PTPRU: variants seen among roughly 807,000 people sequenced by gnomAD.
PTPRU encodes the protein protein tyrosine phosphatase receptor type U.
PTPRU carries 69 observed loss-of-function variants against 166.3 expected under a neutral mutation model. That is an observed-to-expected ratio of 0.41 (90% CI 0.34 to 0.51). The LOEUF (loss-of-function observed/expected upper bound fraction) is 0.51. Among genes scored for constraint, PTPRU ranks in the 20% least tolerant of loss-of-function variants. The probability of loss-of-function intolerance (pLI) is 0.09; values close to 1 mark genes in which losing one functional copy is unlikely to be tolerated. For missense variants in PTPRU, 1,657 were observed against 2,013.7 expected (o/e 0.82, Z 3.39); for synonymous variants, 793 against 814.0 (o/e 0.97, Z 0.44).
At position 29,260,695 on chromosome 1, in the gene PTPRU, T is replaced by C; in HGVS notation, c.936T>C (p.Ile312=). ...TCCAGCTCAACACCAACTCCATCAT[T>C]GGCGACGGGCCGATCGTGCGCAAGG... The part of the protein sequence containing the change: ...LIIQLNTNSI[I]GDGPIVRKEI... Residue 312 remains isoleucine, a synonymous_variant, in exon 7 of 30, where the codon ATT becomes ATC. Coordinates refer to ENST00000373779, the MANE Select transcript of PTPRU (RefSeq NM_133178.4). The surrounding 1 kb of genome is among the most constrained non-coding windows in gnomAD (Gnocchi z 8.3). 1.3e-6 allele frequency: 2 copies of C among 1,584,674 alleles called. No homozygotes were observed. Among genetic ancestry groups the C allele is most frequent in the Non-Finnish European group, 1.7e-6 (2 of 1,163,616 alleles).
chr1:29,269,246 A>ATATTTT (rs1266094646), intron 7 of PTPRU, among the ~76,000 whole-genome samples: 3 of 20,584 alleles, frequency 1.5e-4, no homozygotes, highest in East Asian at 9.6e-4. Flanking sequence ...ATATATATAT[A>ATATTTT]TTTTTTTTTT....
At chr1:29,255,688 C>T (rs1257553707) in intron 2 of PTPRU, among the ~76,000 whole-genome samples, 1 of 152,198 alleles carries the variant, frequency 6.6e-6, no homozygotes, top group Non-Finnish European at 1.5e-5. Flanking sequence ...CCAAACCACT[C>T]CCACTCTCAG....
intron 1 of PTPRU, among the ~76,000 whole-genome samples, chr1:29,250,316 C>T (rs1684494316): frequency 6.6e-6 from 1 of 152,108 alleles, no homozygotes; most frequent in Admixed American, 6.5e-5. Context: ...GGGAAAAATC[C>T]CCTGTGAATG....
At chr1:29,286,246 G>A (rs1011801585) in intron 14 of PTPRU, among the ~76,000 whole-genome samples, 1 of 152,160 alleles carries the variant, frequency 6.6e-6, no homozygotes, top group South Asian at 2.1e-4. Flanking sequence ...AGCTTTAAGA[G>A]AGACTATTTT....
Position 29,323,479 on chromosome 1 carries a change from G to A in PTPRU, c.3937G>A (p.Val1313Met), listed in dbSNP as rs761314990. ...DEDLVARVFR[V>M]QNISRLQEGH... ...AGACTTAGTGGCTCGAGTCTTCCGG[G>A]TGCAGAACATCTCTCGGGTGAGTGG... The change falls in exon 27 of 30, where the codon GTG becomes ATG. Residue 1313 changes from valine (V) to methionine (M), a missense_variant. Physicochemically the swap from Val to Met is conservative, Grantham distance 21 (BLOSUM62 1). Coordinates refer to ENST00000373779, the MANE Select transcript of PTPRU (RefSeq NM_133178.4). 6.2e-7 allele frequency: 1 copy of A among 1,607,904 alleles called. No individual in the cohort carries two copies.
intron 2 of PTPRU, among the ~76,000 whole-genome samples, chr1:29,256,233 C>T (rs1396334930): frequency 6.6e-6 from 1 of 152,068 alleles, no homozygotes; most frequent in Non-Finnish European, 1.5e-5. Context: ...CTTTGGGGGC[C>T]CTGATTACTA....
chr1:29,290,756 T>G (rs1032726324), intron 14 of PTPRU, among the ~76,000 whole-genome samples: 2 of 152,268 alleles, frequency 1.3e-5, no homozygotes, highest in East Asian at 1.9e-4. Flanking sequence ...CAAAACCAGA[T>G]GCAGAACTTC....
At position 29,317,434 on chromosome 1, in the gene PTPRU, C is replaced by T. The variant is rs1687947747; in HGVS notation, c.3514-314C>T. Among the ~76,000 whole-genome samples the T allele has an allele frequency of 6.6e-6, 1 of 152,142 alleles. No homozygotes were observed. The highest frequency in any genetic ancestry group is 1.5e-5 in the Non-Finnish European group (1 of 68,024). On this transcript the variant is annotated intron_variant, in intron 24 of 29. Transcript: ENST00000373779. This position sits in a 1 kb window ranked among gnomAD's most constrained non-coding sequence, Gnocchi z 5.6. ...TTGTCATGATCTCACTTTGGCCTCC[C>T]AGCAGCCCCATGAAGTAGGCATATT...
chr1:29,261,093 T>C (rs1262644493), intron 7 of PTPRU, among the ~76,000 whole-genome samples, 190 bp downstream of exon 7: 2 of 152,252 alleles, frequency 1.3e-5, no homozygotes, highest in Non-Finnish European at 2.9e-5. Context: ...AACATATCTG[T>C]GTGTAGACAC....
intron 18 of PTPRU, 91 bp downstream of exon 18, chr1:29,305,519 G>C (rs1687351380): frequency 1.5e-6 from 2 of 1,338,982 alleles, no homozygotes; most frequent in Middle Eastern, 1.8e-4. Context: ...CGGGATAAAT[G>C]GGGGTTCAAA....
intron 15 of PTPRU, among the ~76,000 whole-genome samples, chr1:29,299,602 A>G (rs1023616171): frequency 1.3e-5 from 2 of 152,126 alleles, no homozygotes; most frequent in Admixed American, 1.3e-4. Flanking sequence ...GTCCTCAGCC[A>G]CTGTGCACTG....
Position 29,257,482 on chromosome 1 carries a change from G to T in PTPRU, c.206-1023G>T, listed in dbSNP as rs1313830904. Among the ~76,000 whole-genome samples the T allele has an allele frequency of 1.3e-5, 2 of 152,136 alleles. No homozygotes were observed. Among genetic ancestry groups the T allele is most frequent in the African/African-American group, 2.4e-5 (1 of 41,420 alleles). On this transcript the variant is annotated intron_variant, in intron 2 of 29. Transcript: ENST00000373779. The surrounding 1 kb of genome is among the most constrained non-coding windows in gnomAD (Gnocchi z 4.6). Reference sequence around the variant, plus strand: ...GGAGGAGGCAGCGCTGGGTGGTTTCGGGTGCCCTTTGGGAAGCCCAAATCC... The same window carrying T: ...GGAGGAGGCAGCGCTGGGTGGTTTCTGGTGCCCTTTGGGAAGCCCAAATCC...
chr1:29,266,554 A>T (rs983802024), intron 7 of PTPRU, among the ~76,000 whole-genome samples: 1 of 152,210 alleles, frequency 6.6e-6, no homozygotes, highest in African/African-American at 2.4e-5. Context: ...AGAATGTTCC[A>T]GTGGGAATTG....
At chr1:29,250,954 T>A (rs1684517761) in intron 1 of PTPRU, among the ~76,000 whole-genome samples, 1 of 152,098 alleles carries the variant, frequency 6.6e-6, no homozygotes, top group Non-Finnish European at 1.5e-5. Context: ...TGAATCTGGT[T>A]AAGGAATCAC....
intron 2 of PTPRU, among the ~76,000 whole-genome samples, chr1:29,256,253 T>C (rs1684767342): frequency 6.6e-6 from 1 of 152,192 alleles, no homozygotes; most frequent in Non-Finnish European, 1.5e-5. Context: ...AGTACTGCTC[T>C]TCACTGGATG....
intron 7 of PTPRU, among the ~76,000 whole-genome samples, chr1:29,269,219 C>CATACATAT (rs1685431983): frequency 2.4e-5 from 1 of 42,396 alleles, no homozygotes; most frequent in African/African-American, 9.5e-5. Flanking sequence ...AATTTATATA[C>CATACATAT]ATATATATAT....
intron 28 of PTPRU, 144 bp from the exon 29 acceptor site, chr1:29,325,047 C>G: frequency 8.6e-7 from 1 of 1,160,594 alleles, no homozygotes; most frequent in Non-Finnish European, 1.2e-6. Context: ...CCCCTCACCT[C>G]TGGGCTCTCT....
intron 1 of PTPRU, among the ~76,000 whole-genome samples, chr1:29,254,911 G>A (rs984461765): frequency 6.6e-6 from 1 of 152,202 alleles, no homozygotes; most frequent in Admixed American, 6.5e-5. Flanking sequence ...CCACAAAGTG[G>A]AGATGATTCT....
intron 7 of PTPRU, among the ~76,000 whole-genome samples, chr1:29,274,973 C>T (rs1685727685): frequency 6.6e-6 from 1 of 150,460 alleles, no homozygotes; most frequent in Non-Finnish European, 1.5e-5. Flanking sequence ...TTGCTTGAAC[C>T]TGGGAGGCAG....
Sources: gnomAD v4.1 joint callset for allele counts (sites outside exome capture counted in the v4.1 genomes callset) on GRCh38, gnomAD v4.1.1 for gene constraint, Gnocchi (gnomAD v3.1) non-coding constraint, MANE v1.5 for transcripts, NCBI Gene and HGNC (gene_info 2026-07-23, HGNC 2026-07-21) for gene names.